The following RGS20 variants were observed in gnomAD, a reference collection of about 807,000 sequenced individuals.
RGS20 encodes the protein regulator of G protein signaling 20.
In RGS20, 30 loss-of-function variants were observed where a neutral mutation model predicts 33.6. That is an observed-to-expected ratio of 0.89 (90% CI 0.67 to 1.21). RGS20 has a LOEUF of 1.21. Ranked by LOEUF, RGS20 falls within the 50% of genes most tolerant of loss-of-function variation. RGS20 has a pLI of 0.00. For missense variants in RGS20, 472 were observed against 502.4 expected (o/e 0.94, Z 0.58); for synonymous variants, 208 against 197.9 (o/e 1.05, Z -0.43).
chr8:53,956,169 G>A (rs1452533154), intron 5 of RGS20, among the ~76,000 whole-genome samples: 1 of 152,196 alleles, frequency 6.6e-6, no homozygotes, highest in Non-Finnish European at 1.5e-5. Context: ...GACATCCCAG[G>A]AGACAGGACC....
chr8:53,916,157 G>A (rs776822726), intron 2 of RGS20, among the ~76,000 whole-genome samples: 1 of 152,024 alleles, frequency 6.6e-6, no homozygotes, highest in Non-Finnish European at 1.5e-5. Context: ...TAAGGAGCTG[G>A]GACTACAGGC....
intron 4 of RGS20, among the ~76,000 whole-genome samples, chr8:53,952,139 G>A (rs1245783047): frequency 7.2e-6 from 1 of 138,984 alleles, no homozygotes; most frequent in East Asian, 2.5e-4. Context: ...GTGCAGTGGT[G>A]CAATCTCGGC....
chr8:53,876,072 TGAC>T (rs1223412958), intron 1 of RGS20: 1 of 152,236 alleles, frequency 6.6e-6, no homozygotes, highest in Non-Finnish European at 1.5e-5. Flanking sequence ...ATGTATAATG[TGAC>T]TAAACTACAG....
intron 3 of RGS20, among the ~76,000 whole-genome samples, chr8:53,946,017 T>C (rs768515758): frequency 1.3e-5 from 2 of 152,110 alleles, no homozygotes; most frequent in African/African-American, 2.4e-5. Flanking sequence ...AGAATGTGTA[T>C]AAGAAAACAA....
intron 2 of RGS20, among the ~76,000 whole-genome samples, chr8:53,905,159 C>T (rs1366679474): frequency 6.6e-6 from 1 of 152,172 alleles, no homozygotes; most frequent in Admixed American, 6.5e-5. Flanking sequence ...ATTCAAAAGT[C>T]TTTTGTTACT....
intron 3 of RGS20, among the ~76,000 whole-genome samples, chr8:53,940,742 G>A (rs558421857): frequency 1.6e-3 from 251 of 152,340 alleles, no homozygotes; most frequent in Non-Finnish European, 3.0e-3. Flanking sequence ...CACAGCAAGA[G>A]GAAACGTGGC....
chr8:53,894,488 C>A (rs7838182), intron 2 of RGS20, among the ~76,000 whole-genome samples: 20,079 of 152,154 alleles, frequency 0.13, 4,098 homozygotes, highest in African/African-American at 0.44. Context: ...TGTGGGACAA[C>A]GTAATGCCCT....
Position 53,939,560 on chromosome 8 carries a change from C to A in RGS20, c.511-16C>A. On this transcript the variant is annotated splice_polypyrimidine_tract_variant and intron_variant, in intron 2 of 5. Transcript: ENST00000297313. Reference sequence around the variant, plus strand: ...GGAACCCCCTCCCGCCCGCTTTGTTCCTCTCCCTCTTGCAGCAGATGGGAT... The same window carrying A: ...GGAACCCCCTCCCGCCCGCTTTGTTACTCTCCCTCTTGCAGCAGATGGGAT... The A allele has an allele frequency of 6.6e-7, 1 of 1,518,866 alleles. No individual in the cohort carries two copies. The highest frequency in any genetic ancestry group is 8.8e-7 in the Non-Finnish European group (1 of 1,130,220). 94.1% of individuals were successfully genotyped at this position (1,518,866 alleles called of 1,614,324 possible).
Position 53,909,207 on chromosome 8 carries a change from GTGTATATATATATA to G in RGS20, c.510+29607_510+29620del, listed in dbSNP as rs1360348184. 5.3e-3 allele frequency among the ~76,000 whole-genome samples: 439 copies of G among 83,142 alleles called. 12 individuals carry two copies. Among genetic ancestry groups the G allele is most frequent in the South Asian group, 0.04 (95 of 2,402 alleles). The allele number at this position is 83,142 out of a possible 152,430, so 54.5% of individuals were successfully genotyped here. On this transcript the variant is annotated intron_variant, in intron 2 of 5. Coordinates refer to ENST00000297313, the MANE Select transcript of RGS20 (RefSeq NM_170587.4). ...TACTCTATTATCCATTATGGTATGT[GTGTATATATATATA>G]TATATATATATATATATATATATAT...
rs753788342 is a variant in RGS20, at chr8:53,946,763, T to C, written c.743+15T>C. 3 of 1,605,918 alleles carry C rather than the reference T, an allele frequency of 1.9e-6. No homozygotes were observed. In the Admixed American group the frequency reaches 5.0e-5, roughly 27 times the overall value. The stretch of plus-strand genomic sequence containing the variant: ...TGGGAAGAAAGGTGAAATCACACGT[T>C]TTTTTTACCTCACTAAACTAACAGA... On this transcript the variant is annotated intron_variant, in intron 4 of 5. Transcript: ENST00000297313.
At chr8:53,862,970 A>G (rs75109953) in intron 1 of RGS20, among the ~76,000 whole-genome samples, 6,536 of 152,156 alleles carry the variant, frequency 0.043, 406 homozygotes, top group African/African-American at 0.14. Context: ...CAGAGAGCTC[A>G]TGACATTTTC....
At chr8:53,895,786 A>G (rs1375738876) in intron 2 of RGS20, among the ~76,000 whole-genome samples, 1 of 151,646 alleles carries the variant, frequency 6.6e-6, no homozygotes, top group Admixed American at 6.6e-5. Flanking sequence ...CTGGGACTAC[A>G]GGCACCCGGA....
At chr8:53,868,389 C>T (rs924815563) in intron 1 of RGS20, among the ~76,000 whole-genome samples, 1 of 152,102 alleles carries the variant, frequency 6.6e-6, no homozygotes, top group African/African-American at 2.4e-5. Flanking sequence ...TGTCAAGGAG[C>T]GTGACAGCCA....
At chr8:53,864,523 C>T (rs1470228765) in intron 1 of RGS20, among the ~76,000 whole-genome samples, 2 of 151,904 alleles carry the variant, frequency 1.3e-5, no homozygotes, top group Non-Finnish European at 2.9e-5. Flanking sequence ...CCTGTGCTGC[C>T]TCCCGGGAAC....
At chr8:53,885,381 A>G (rs1212638777) in intron 2 of RGS20, among the ~76,000 whole-genome samples, 1 of 152,206 alleles carries the variant, frequency 6.6e-6, no homozygotes, top group East Asian at 1.9e-4. Context: ...TGGGAGGCCG[A>G]GGCGGGTGGA....
At chr8:53,883,724 C>A (rs1232093930) in intron 2 of RGS20, among the ~76,000 whole-genome samples, 2 of 151,978 alleles carry the variant, frequency 1.3e-5, no homozygotes, top group East Asian at 3.9e-4. Flanking sequence ...GCAGGTGGAT[C>A]ACGTGAGGTC....
chr8:53,923,398 C>A (rs961465231), intron 2 of RGS20, among the ~76,000 whole-genome samples: 1 of 152,058 alleles, frequency 6.6e-6, no homozygotes, highest in Non-Finnish European at 1.5e-5. Context: ...AGTTTGAGAC[C>A]AGCCTGGGCA....
chr8:53,909,253 A>G (rs1312506430), intron 2 of RGS20, among the ~76,000 whole-genome samples: 5 of 85,232 alleles, frequency 5.9e-5, no homozygotes, highest in Admixed American at 1.3e-4. Context: ...ATATATATAT[A>G]TACTTTTTTT....
chr8:53,880,880 G>A, intron 2 of RGS20: 1 of 1,477,052 alleles, frequency 6.8e-7, no homozygotes, highest in Non-Finnish European at 9.0e-7. Context: ...GCAGAGCAAG[G>A]GGAGGAAGAG....
Sources: gnomAD v4.1 joint callset for allele counts (sites outside exome capture counted in the v4.1 genomes callset) on GRCh38, gnomAD v4.1.1 for gene constraint, MANE v1.5 for transcripts, NCBI Gene and HGNC (gene_info 2026-07-23, HGNC 2026-07-21) for gene names.